TPST1: variants seen among roughly 807,000 people sequenced by gnomAD.
TPST1 encodes protein-tyrosine sulfotransferase 1.
TPST1 carries 20 observed loss-of-function variants against 34.8 expected under a neutral mutation model. The observed-to-expected ratio is 0.57, with a 90% CI of 0.40 to 0.84. The LOEUF is 0.84. Ranked by LOEUF, TPST1 falls within the 40% of genes least tolerant of loss-of-function variation. The probability of loss-of-function intolerance (pLI) is 0.00; values close to 1 mark genes in which losing one functional copy is unlikely to be tolerated. For missense variants in TPST1, 353 were observed against 455.5 expected (o/e 0.78, Z 2.05); for synonymous variants, 152 against 159.4 (o/e 0.95, Z 0.35).
At chr7:66,326,678 C>T (rs1408892739) in intron 3 of TPST1, among the ~76,000 whole-genome samples, 1 of 152,198 alleles carries the variant, frequency 6.6e-6, no homozygotes, top group Non-Finnish European at 1.5e-5. Context: ...TCCTATTTCA[C>T]AGTCACGACA....
At chr7:66,343,414 G>A (rs1442014514) in intron 3 of TPST1, among the ~76,000 whole-genome samples, 1 of 152,178 alleles carries the variant, frequency 6.6e-6, no homozygotes, top group Non-Finnish European at 1.5e-5. Flanking sequence ...AGACAGGAGA[G>A]AGGGAGGGGA....
chr7:66,234,422 C>CACACACACACAG (rs1789866037), intron 1 of TPST1, among the ~76,000 whole-genome samples: 1 of 150,982 alleles, frequency 6.6e-6, no homozygotes, highest in African/African-American at 2.4e-5. Flanking sequence ...CACACACACA[C>CACACACACACAG]ACACACACAG....
At chr7:66,279,234 C>T (rs962436286) in intron 2 of TPST1, among the ~76,000 whole-genome samples, 1 of 152,162 alleles carries the variant, frequency 6.6e-6, no homozygotes. Context: ...GCCTCCAACT[C>T]CATCCATGTT....
At chr7:66,208,543 G>A (rs77951319) in intron 1 of TPST1, among the ~76,000 whole-genome samples, 4,434 of 151,850 alleles carry the variant, frequency 0.029, 93 homozygotes, top group East Asian at 0.12. Flanking sequence ...ATCTTAGTTC[G>A]CTGCAACCTC....
intron 1 of TPST1, among the ~76,000 whole-genome samples, chr7:66,215,347 C>T (rs2116246024): frequency 6.7e-6 from 1 of 150,116 alleles, no homozygotes; most frequent in East Asian, 2.0e-4. Context: ...TGTGAGCCAC[C>T]ATACCTGACC....
chr7:66,250,293 C>T (rs563286393), intron 2 of TPST1, among the ~76,000 whole-genome samples: 16 of 152,288 alleles, frequency 1.1e-4, no homozygotes, highest in Admixed American at 7.2e-4. Context: ...AGCTTGTCCT[C>T]CGTCCCACAG....
At chr7:66,299,867 A>G (rs1216479249) in intron 3 of TPST1, among the ~76,000 whole-genome samples, 7 of 152,162 alleles carry the variant, frequency 4.6e-5, no homozygotes, top group Non-Finnish European at 8.8e-5. Context: ...ATTATGGGTT[A>G]TAGGCACACC....
chr7:66,337,299 ATT>A lies in TPST1; in HGVS notation c.1045-15181_1045-15180del, dbSNP rs749288846. Among the ~76,000 whole-genome samples, 1,060 of 107,702 alleles carry A rather than the reference ATT, an allele frequency of 9.8e-3. 18 individuals carry two copies. The highest frequency in any genetic ancestry group is 0.03 in the East Asian group (98 of 3,310). 70.7% of individuals were successfully genotyped at this position (107,702 alleles called of 152,430 possible). A position where few individuals can be genotyped will look rare whatever the true frequency, so the allele number is the denominator to read the frequency against. ...TTTAAGTATGAAGACTAAAAGACAA[ATT>A]TTTTTTTTTTTTTTTTTTTTTTTTA... On this transcript the variant is annotated intron_variant, in intron 3 of 5. Transcript: ENST00000304842.
At chr7:66,228,766 C>T (rs1357694767) in intron 1 of TPST1, among the ~76,000 whole-genome samples, 2 of 152,162 alleles carry the variant, frequency 1.3e-5, no homozygotes, top group Non-Finnish European at 2.9e-5. Flanking sequence ...ATTTCTATCA[C>T]ACCGAATCTA....
chr7:66,348,327 C>T (rs563137927), intron 3 of TPST1, among the ~76,000 whole-genome samples: 23 of 152,282 alleles, frequency 1.5e-4, no homozygotes, highest in African/African-American at 5.3e-4. Flanking sequence ...CTTCCCATTT[C>T]ACTACCTGTC....
At chr7:66,331,960 C>T (rs1050677995) in intron 3 of TPST1, among the ~76,000 whole-genome samples, 8 of 152,046 alleles carry the variant, frequency 5.3e-5, no homozygotes, top group African/African-American at 7.2e-5. Context: ...TCACTGTCTC[C>T]GATCACCCCC....
At chr7:66,244,940 C>T (rs1278266442) in intron 2 of TPST1, among the ~76,000 whole-genome samples, 1 of 151,992 alleles carries the variant, frequency 6.6e-6, no homozygotes, top group Non-Finnish European at 1.5e-5. Context: ...TACAAGAGAA[C>T]AAATAAGAAC....
chr7:66,262,840 G>A (rs1388125926), intron 2 of TPST1, among the ~76,000 whole-genome samples: 2 of 152,196 alleles, frequency 1.3e-5, no homozygotes, highest in Non-Finnish European at 2.9e-5. Flanking sequence ...GCTCATGCCT[G>A]TAATCCCAGC....
At chr7:66,336,111 C>G (rs933124204) in intron 3 of TPST1, among the ~76,000 whole-genome samples, 1 of 152,182 alleles carries the variant, frequency 6.6e-6, no homozygotes, top group Admixed American at 6.5e-5. Context: ...GGGATCGAGA[C>G]CATCCTGGCT....
At chr7:66,227,729 A>ATT (rs34385620) in intron 1 of TPST1, among the ~76,000 whole-genome samples, 5,198 of 147,686 alleles carry the variant, frequency 0.035, 143 homozygotes, top group East Asian at 0.09. Context: ...GAGCCAACAG[A>ATT]TTTTTTTTTT....
chr7:66,232,942 A>G (rs886740456), intron 1 of TPST1, among the ~76,000 whole-genome samples: 3 of 151,886 alleles, frequency 2.0e-5, no homozygotes, highest in Non-Finnish European at 4.4e-5. Flanking sequence ...TTTGATTTGT[A>G]TTTTCCTAGA....
chr7:66,230,557 G>A (rs560790028), intron 1 of TPST1, among the ~76,000 whole-genome samples: 235 of 152,092 alleles, frequency 1.5e-3, no homozygotes, highest in African/African-American at 5.4e-3. Context: ...AAGGCAGCGC[G>A]TCTGGAGCTG....
chr7:66,223,058 C>T (rs927320149), intron 1 of TPST1, among the ~76,000 whole-genome samples: 9 of 152,048 alleles, frequency 5.9e-5, no homozygotes, highest in African/African-American at 1.9e-4. Context: ...CAGACTAGAG[C>T]CCAGGTCTTC....
At chr7:66,241,934 G>A (rs903934915) in intron 2 of TPST1, among the ~76,000 whole-genome samples, 2 of 152,118 alleles carry the variant, frequency 1.3e-5, no homozygotes, top group African/African-American at 2.4e-5. Context: ...TGCTTCCTTT[G>A]TCATCTGAAG....
Sources: allele counts gnomAD v4.1 joint callset (sites outside exome capture counted in the v4.1 genomes callset), GRCh38; gene constraint gnomAD v4.1.1; transcripts MANE v1.5; gene names NCBI Gene and HGNC (gene_info 2026-07-23, HGNC 2026-07-21).